MSI2: variants seen among roughly 807,000 people sequenced by gnomAD.
MSI2 encodes RNA-binding protein Musashi homolog 2.
In MSI2, 17 loss-of-function variants were observed where a neutral mutation model predicts 45.6. That is an observed-to-expected ratio of 0.37 (90% CI 0.26 to 0.56). MSI2 has a LOEUF of 0.56. Ranked by LOEUF, MSI2 falls within the 20% of genes least tolerant of loss-of-function variation. The pLI is 0.77. For synonymous variants in MSI2, 156 were observed against 158.2 expected, an observed-to-expected ratio of 0.99 and a Z score of 0.11; for missense variants, 293 against 444.2, an observed-to-expected ratio of 0.66 and a Z score of 3.06.
At chr17:57,404,935 G>A (rs2084055276) in intron 6 of MSI2, among the ~76,000 whole-genome samples, 6 of 152,134 alleles carry the variant, frequency 3.9e-5, no homozygotes, top group Admixed American at 3.3e-4. Flanking sequence ...AGGTCACGAA[G>A]CGTGGCCACT....
chr17:57,297,188 G>GTTTT (rs61324365), intron 5 of MSI2, among the ~76,000 whole-genome samples: 1 of 115,172 alleles, frequency 8.7e-6, no homozygotes, highest in Admixed American at 8.2e-5. Context: ...GTTTTTTTTT[G>GTTTT]TTTTTTTTTT....
chr17:57,367,408 C>T (rs1265533462), intron 5 of MSI2, among the ~76,000 whole-genome samples: 2 of 152,132 alleles, frequency 1.3e-5, no homozygotes, highest in East Asian at 3.9e-4. Context: ...CTCAGCTGAA[C>T]TGAATGAGGT....
intron 5 of MSI2, among the ~76,000 whole-genome samples, chr17:57,313,975 T>C (rs536703069): frequency 6.6e-6 from 1 of 152,302 alleles, no homozygotes; most frequent in East Asian, 1.9e-4. Flanking sequence ...TACCACGGAC[T>C]AGGCGGCTTC....
intron 7 of MSI2, among the ~76,000 whole-genome samples, chr17:57,573,064 T>C (rs1258829415): frequency 6.6e-6 from 1 of 152,192 alleles, no homozygotes; most frequent in Non-Finnish European, 1.5e-5. Context: ...CAGATGCACA[T>C]GTCCAATGGG....
intron 6 of MSI2, among the ~76,000 whole-genome samples, chr17:57,472,130 C>G (rs2085450092): frequency 6.6e-6 from 1 of 152,112 alleles, no homozygotes; most frequent in Non-Finnish European, 1.5e-5. Context: ...TGTGAGTGGG[C>G]CTTGCTTTAA....
At chr17:57,448,922 G>A (rs771192860) in intron 6 of MSI2, 1 of 152,220 alleles carries the variant, frequency 6.6e-6, no homozygotes, top group African/African-American at 2.4e-5. Flanking sequence ...ATTGGAGCGA[G>A]GATCACACAA....
intron 6 of MSI2, among the ~76,000 whole-genome samples, chr17:57,450,696 A>G (rs1292610908): frequency 1.4e-5 from 2 of 147,186 alleles, no homozygotes; most frequent in African/African-American, 5.2e-5. Flanking sequence ...AAAAAAAAAA[A>G]AGGTGAGTAA....
chr17:57,471,712 C>A (rs1002330439), intron 6 of MSI2, among the ~76,000 whole-genome samples: 2 of 151,966 alleles, frequency 1.3e-5, no homozygotes, highest in African/African-American at 4.8e-5. Flanking sequence ...GCCCCCACCC[C>A]GCCTGCGTGC....
Position 57,529,626 on chromosome 17 carries a change from T to A in MSI2, c.406-50T>A, listed in dbSNP as rs2086780476. The A allele has an allele frequency of 1.3e-6, 2 of 1,564,896 alleles. No individual in the cohort carries two copies. Among genetic ancestry groups the A allele is most frequent in the African/African-American group, 1.4e-5 (1 of 73,864 alleles). ...CCCGACATGCATATAATGTTTTGTG[T>A]ACTTTCTTAAAATTCCTAAGGCAGC... On this transcript the variant is annotated intron_variant, in intron 6 of 13. Transcript: ENST00000284073. This position sits in a 1 kb window ranked among gnomAD's most constrained non-coding sequence, Gnocchi z 5.3.
At chr17:57,575,151 T>TCCCC (rs898555784) in intron 7 of MSI2, among the ~76,000 whole-genome samples, 31 of 114,368 alleles carry the variant, frequency 2.7e-4, no homozygotes, top group Non-Finnish European at 4.4e-4. Flanking sequence ...TTTAACTCCC[T>TCCCC]CCCCCCGCCA....
the MSI2 span, among the ~76,000 whole-genome samples, chr17:57,696,113 C>A: frequency 2.0e-5 from 3 of 152,102 alleles, no homozygotes; most frequent in Admixed American, 6.5e-5. Context: ...AACACCCCCC[C>A]AAAAAAGCTG....
intron 7 of MSI2, among the ~76,000 whole-genome samples, chr17:57,563,711 C>CTGTCTG (rs1567902370): frequency 7.1e-6 from 1 of 141,602 alleles, no homozygotes; most frequent in African/African-American, 2.9e-5. Flanking sequence ...CTGTCTGTCT[C>CTGTCTG]TCTCTCTCTT....
intron 5 of MSI2, among the ~76,000 whole-genome samples, chr17:57,313,140 C>T (rs118148590): frequency 0.031 from 4,781 of 152,236 alleles, 118 homozygotes; most frequent in East Asian, 0.12. Context: ...CCACTGCACC[C>T]GGCCGGCATT....
intron 5 of MSI2, among the ~76,000 whole-genome samples, chr17:57,291,907 G>T (rs534360502): frequency 6.6e-6 from 1 of 152,184 alleles, no homozygotes; most frequent in Admixed American, 6.5e-5. Context: ...ATTCTCCCCC[G>T]CCATTCTAAC....
intron 5 of MSI2, chr17:57,365,062 GAT>G (rs1283505105): frequency 6.6e-6 from 1 of 152,080 alleles, no homozygotes; most frequent in East Asian, 1.9e-4. Context: ...GTTAATAGTA[GAT>G]ACCCAGCTAA....
chr17:57,555,221 G>A (rs1025651698), intron 7 of MSI2, among the ~76,000 whole-genome samples: 2 of 152,112 alleles, frequency 1.3e-5, no homozygotes, highest in Admixed American at 6.5e-5. Flanking sequence ...GCCAGCTCTG[G>A]GTCGCCCTGT....
At chr17:57,517,704 G>A (rs948372741) in intron 6 of MSI2, among the ~76,000 whole-genome samples, 1 of 152,120 alleles carries the variant, frequency 6.6e-6, no homozygotes, top group African/African-American at 2.4e-5. Flanking sequence ...TCAAAGGCTG[G>A]TACCTTCAAA....
chr17:57,541,561 T>C (rs910194587), intron 7 of MSI2, among the ~76,000 whole-genome samples: 6 of 152,222 alleles, frequency 3.9e-5, no homozygotes, highest in Non-Finnish European at 1.5e-5. Context: ...AGAAGCTCTT[T>C]CAGGCAGGAA....
At chr17:57,487,357 C>T (rs537967015) in intron 6 of MSI2, among the ~76,000 whole-genome samples, 7 of 152,286 alleles carry the variant, frequency 4.6e-5, no homozygotes, top group African/African-American at 1.7e-4. Context: ...TTGTCATCTC[C>T]GTGCCTCTCT....
Sources: gnomAD v4.1 joint callset for allele counts (sites outside exome capture counted in the v4.1 genomes callset) on GRCh38, gnomAD v4.1.1 for gene constraint, Gnocchi (gnomAD v3.1) non-coding constraint, MANE v1.5 for transcripts, NCBI Gene and HGNC (gene_info 2026-07-23, HGNC 2026-07-21) for gene names.